The following CLIC5 variants were observed in gnomAD, a reference collection of about 807,000 sequenced individuals.
CLIC5 encodes CLIC family member 5, also known as chloride intracellular channel protein 5.
CLIC5 carries 20 observed loss-of-function variants against 24.7 expected under a neutral mutation model. That is an observed-to-expected ratio of 0.81 (90% CI 0.57 to 1.18). The LOEUF (loss-of-function observed/expected upper bound fraction) is 1.18, where lower values mean the gene tolerates loss of function less well. CLIC5 is among the 50% of genes most tolerant of loss of function. The probability of loss-of-function intolerance (pLI) is 0.00; values close to 1 mark genes in which losing one functional copy is unlikely to be tolerated. For missense variants in CLIC5, 341 were observed against 326.1 expected, an observed-to-expected ratio of 1.05 and a Z score of -0.35; for synonymous variants, 159 against 135.6, an observed-to-expected ratio of 1.17 and a Z score of -1.20.
the CLIC5 span, among the ~76,000 whole-genome samples, chr6:46,104,883 A>G: frequency 6.6e-6 from 1 of 152,184 alleles, no homozygotes. Context: ...TGCAGGATTC[A>G]CAATGAAGTC....
intron 1 of CLIC5, among the ~76,000 whole-genome samples, chr6:46,030,358 TCATCCTCATTACTG>T: frequency 6.6e-6 from 1 of 152,278 alleles, no homozygotes; most frequent in South Asian, 2.1e-4. Context: ...TCTCTACCCT[TCATCCTCATTACTG>T]CAGCCTCATC....
intron 1 of CLIC5, among the ~76,000 whole-genome samples, chr6:45,969,805 T>TG (rs1765137131): frequency 6.7e-6 from 1 of 150,190 alleles, no homozygotes; most frequent in Non-Finnish European, 1.5e-5. Context: ...GGTTTTTTTT[T>TG]TTTTTTTTTT....
At chr6:45,976,369 G>A (rs1168609851) in intron 1 of CLIC5, among the ~76,000 whole-genome samples, 1 of 152,122 alleles carries the variant, frequency 6.6e-6, no homozygotes, top group Non-Finnish European at 1.5e-5. Context: ...AATGTGTAGT[G>A]TGAGTAGACA....
the CLIC5 span, among the ~76,000 whole-genome samples, chr6:46,124,977 T>G: frequency 2.0e-5 from 3 of 152,220 alleles, no homozygotes; most frequent in Admixed American, 6.5e-5. Flanking sequence ...ACACTGTTGG[T>G]GGGACTGTAA....
chr6:45,986,681 T>C (rs574978406), intron 1 of CLIC5, among the ~76,000 whole-genome samples: 1 of 152,352 alleles, frequency 6.6e-6, no homozygotes, highest in East Asian at 1.9e-4. Context: ...TGAAAACAAC[T>C]GGGCTCAATG....
At chr6:45,945,023 A>C (rs553247107) in intron 3 of CLIC5, among the ~76,000 whole-genome samples, 75 of 152,282 alleles carry the variant, frequency 4.9e-4, no homozygotes, top group African/African-American at 1.7e-3. Context: ...TAAGCAAAAG[A>C]TCTCTGGAGG....
At chr6:45,978,514 C>T (rs978667205) in intron 1 of CLIC5, among the ~76,000 whole-genome samples, 1 of 152,188 alleles carries the variant, frequency 6.6e-6, no homozygotes, top group African/African-American at 2.4e-5. Context: ...TGTTAGCATG[C>T]ATCAGAACCA....
intron 1 of CLIC5, among the ~76,000 whole-genome samples, chr6:46,039,494 A>G (rs971007487): frequency 6.6e-6 from 1 of 152,106 alleles, no homozygotes; most frequent in Admixed American, 6.5e-5. Flanking sequence ...CATATTATAT[A>G]TTATAATAAA....
chr6:46,121,804 T>C, the CLIC5 span, among the ~76,000 whole-genome samples: 1 of 152,094 alleles, frequency 6.6e-6, no homozygotes, highest in Non-Finnish European at 1.5e-5. Context: ...AAACAGACTT[T>C]AAACCAACAA....
chr6:46,067,266 A>G (rs1762468581), intron 1 of CLIC5, among the ~76,000 whole-genome samples: 1 of 152,052 alleles, frequency 6.6e-6, no homozygotes, highest in African/African-American at 2.4e-5. Context: ...GATAAGAAAC[A>G]AGATTCGTTC....
chr6:45,989,370 A>T (rs748649074), intron 1 of CLIC5, among the ~76,000 whole-genome samples: 1 of 152,206 alleles, frequency 6.6e-6, no homozygotes, highest in African/African-American at 2.4e-5. Context: ...TCTGTAAAAA[A>T]GGTGATATCA....
intron 4 of CLIC5, among the ~76,000 whole-genome samples, chr6:45,930,588 C>T (rs1318059937): frequency 6.6e-6 from 1 of 152,194 alleles, no homozygotes; most frequent in Non-Finnish European, 1.5e-5. Flanking sequence ...CATCAGCTGG[C>T]TCTGGCGACG....
At chr6:46,103,956 G>T in the CLIC5 span, among the ~76,000 whole-genome samples, 1 of 152,080 alleles carries the variant, frequency 6.6e-6, no homozygotes, top group Non-Finnish European at 1.5e-5. Flanking sequence ...ATGGTAAAAA[G>T]CACTGTTTCT....
At chr6:45,945,592 AT>A (rs1764264686) in intron 3 of CLIC5, among the ~76,000 whole-genome samples, 1 of 152,182 alleles carries the variant, frequency 6.6e-6, no homozygotes, top group Non-Finnish European at 1.5e-5. Context: ...CAAGTGAGAA[AT>A]AAACCTGTGT....
downstream of CLIC5, among the ~76,000 whole-genome samples, chr6:45,898,176 A>T (rs1436282019): frequency 6.6e-6 from 1 of 152,082 alleles, no homozygotes; most frequent in Non-Finnish European, 1.5e-5. Context: ...AGGTTCAAGC[A>T]ATTCTCCTGC....
chr6:46,097,056 C>A, the CLIC5 span: 3 of 152,184 alleles, frequency 2.0e-5, no homozygotes, highest in Admixed American at 1.3e-4. Context: ...TTAAGAATTA[C>A]ACATTTCATT....
At chr6:46,064,979 C>T (rs981105733) in intron 1 of CLIC5, among the ~76,000 whole-genome samples, 1 of 152,018 alleles carries the variant, frequency 6.6e-6, no homozygotes, top group African/African-American at 2.4e-5. Context: ...AAGACACTGT[C>T]ATGAAAATGA....
chr6:45,901,748 A>G lies in CLIC5; in HGVS notation c.*1340T>C, dbSNP rs1172995733. On this transcript the variant is annotated 3_prime_UTR_variant, in exon 6 of 6. Coordinates refer to ENST00000339561, the MANE Select transcript of CLIC5 (RefSeq NM_016929.5). ...AAGGAGAATGACAAAAGAGTGAAAT[A>G]TTAGCTTAAAAATTTTTCCTTTTTT... 1.3e-5 allele frequency: 2 copies of G among 151,346 alleles called. No individual in the cohort carries two copies. Among genetic ancestry groups the G allele is most frequent in the Non-Finnish European group, 2.9e-5 (2 of 67,974 alleles). The allele number at this position is 151,346 out of a possible 1,614,324, so 9.4% of individuals were successfully genotyped here.
chr6:45,958,961 C>G (rs1331763217), intron 1 of CLIC5, among the ~76,000 whole-genome samples: 2 of 57,412 alleles, frequency 3.5e-5, no homozygotes, highest in Non-Finnish European at 9.1e-5. Context: ...TACATGCATA[C>G]ATACTACATA....
Sources: gnomAD v4.1 joint callset for allele counts (sites outside exome capture counted in the v4.1 genomes callset) on GRCh38, gnomAD v4.1.1 for gene constraint, MANE v1.5 for transcripts, NCBI Gene and HGNC (gene_info 2026-07-23, HGNC 2026-07-21) for gene names.